CDKAL1: variants seen among roughly 807,000 people sequenced by gnomAD.
CDKAL1 encodes the protein threonylcarbamoyladenosine tRNA methylthiotransferase.
Under a neutral mutation model 68.2 loss-of-function variants are expected in CDKAL1, and 32 were observed. The ratio of observed to expected loss-of-function variants is 0.47; its 90% CI spans 0.35 to 0.63. The LOEUF is 0.63. Among genes scored for constraint, CDKAL1 ranks in the 30% least tolerant of loss-of-function variants. The probability of loss-of-function intolerance (pLI) is 0.00; values close to 1 mark genes in which losing one functional copy is unlikely to be tolerated. For synonymous variants in CDKAL1, 234 were observed against 244.3 expected (o/e 0.96, Z 0.39); for missense variants, 606 against 696.7 (o/e 0.87, Z 1.47).
intron 12 of CDKAL1, among the ~76,000 whole-genome samples, chr6:21,081,091 T>TA (rs1562014767): frequency 1.3e-5 from 2 of 152,206 alleles, no homozygotes; most frequent in East Asian, 1.9e-4. Flanking sequence ...AAAATCATTT[T>TA]AAAAAAATGC....
intron 4 of CDKAL1, among the ~76,000 whole-genome samples, chr6:20,563,924 A>G (rs1227155635): frequency 6.6e-6 from 1 of 152,186 alleles, no homozygotes; most frequent in Admixed American, 6.6e-5. Flanking sequence ...AGCTTAATGA[A>G]TTAATGTTGG....
At chr6:20,877,944 C>A (rs556418999) in intron 9 of CDKAL1, among the ~76,000 whole-genome samples, 1 of 152,126 alleles carries the variant, frequency 6.6e-6, no homozygotes. Context: ...TATACTTTTC[C>A]GTATGTGTCT....
In CDKAL1 at chr6:20,549,615, T is replaced by C. The variant is rs141137947; in HGVS notation, c.286+910T>C. Among the ~76,000 whole-genome samples, 30 of 110,146 alleles carry C rather than the reference T, an allele frequency of 2.7e-4. 2 individuals are homozygous for C. In the South Asian group the frequency reaches 9.2e-3, roughly 34 times the overall value. 72.3% of individuals were successfully genotyped at this position (110,146 alleles called of 152,430 possible). A position where few individuals can be genotyped will look rare whatever the true frequency, so the allele number is the denominator to read the frequency against. On this transcript the variant is annotated intron_variant, in intron 4 of 15. Transcript: ENST00000274695. ...ATTTATTTATTTATTTATTTATTTA[T>C]TTATTTACTTTGAGATGGGGTCTCT...
At chr6:20,780,670 CTTTTTTTTTTT>C (rs1223553462) in intron 7 of CDKAL1, among the ~76,000 whole-genome samples, 1 of 38,180 alleles carries the variant, frequency 2.6e-5, no homozygotes, top group African/African-American at 7.6e-5. Context: ...ATTTCTTTTT[CTTTTTTTTTTT>C]TTTTTTTTTT....
intron 8 of CDKAL1, among the ~76,000 whole-genome samples, chr6:20,800,386 A>G (rs1187791640): frequency 1.3e-5 from 2 of 152,184 alleles, no homozygotes; most frequent in Non-Finnish European, 2.9e-5. Context: ...AGAAAATGCA[A>G]ACAAATCTCT....
intron 9 of CDKAL1, among the ~76,000 whole-genome samples, chr6:20,943,904 T>C (rs2150703036): frequency 6.6e-6 from 1 of 152,090 alleles, no homozygotes; most frequent in Non-Finnish European, 1.5e-5. Flanking sequence ...CTGGGCAAAA[T>C]AGTGAGGTTC....
At chr6:20,810,128 C>T (rs754509042) in intron 8 of CDKAL1, among the ~76,000 whole-genome samples, 2 of 152,184 alleles carry the variant, frequency 1.3e-5, no homozygotes, top group Non-Finnish European at 2.9e-5. Context: ...CATTATAGAA[C>T]ACTTCAAACA....
At chr6:20,603,376 G>A (rs1220958957) in intron 4 of CDKAL1, among the ~76,000 whole-genome samples, 1 of 152,162 alleles carries the variant, frequency 6.6e-6, no homozygotes, top group African/African-American at 2.4e-5. Context: ...AGTGAAAATG[G>A]TATATAAGAG....
chr6:20,712,700 A>C (rs941928975), intron 5 of CDKAL1, among the ~76,000 whole-genome samples: 1 of 152,000 alleles, frequency 6.6e-6, no homozygotes, highest in African/African-American at 2.4e-5. Flanking sequence ...GCTGGAGCGC[A>C]ATGGCACAAT....
At chr6:20,875,027 C>T (rs1760428745) in intron 9 of CDKAL1, among the ~76,000 whole-genome samples, 1 of 151,512 alleles carries the variant, frequency 6.6e-6, no homozygotes, top group Admixed American at 6.6e-5. Context: ...CAGGCCGGCG[C>T]GGTGGCTCAC....
At chr6:20,879,908 T>C (rs1760725318) in intron 9 of CDKAL1, among the ~76,000 whole-genome samples, 1 of 152,244 alleles carries the variant, frequency 6.6e-6, no homozygotes, top group South Asian at 2.1e-4. Flanking sequence ...TGTCCATTTT[T>C]AAACTATGGT....
chr6:20,551,482 C>G (rs938448153), intron 4 of CDKAL1, among the ~76,000 whole-genome samples: 26 of 151,902 alleles, frequency 1.7e-4, no homozygotes, highest in African/African-American at 6.3e-4. Flanking sequence ...GTTCTCCTGC[C>G]TCAGCCTCTC....
chr6:21,009,638 T>C (rs1180716060), intron 11 of CDKAL1, among the ~76,000 whole-genome samples: 2 of 152,178 alleles, frequency 1.3e-5, no homozygotes, highest in Non-Finnish European at 2.9e-5. Flanking sequence ...GTTAAAGATA[T>C]AGCACACACC....
intron 13 of CDKAL1, among the ~76,000 whole-genome samples, chr6:21,173,512 G>A (rs1014761586): frequency 4.6e-5 from 7 of 152,194 alleles, no homozygotes; most frequent in African/African-American, 1.7e-4. Flanking sequence ...AAATGAACAT[G>A]CATTGACACT....
At chr6:21,223,929 A>G (rs9466005) in intron 15 of CDKAL1, among the ~76,000 whole-genome samples, 47,509 of 152,082 alleles carry the variant, frequency 0.31, 9,677 homozygotes, top group African/African-American at 0.57. Flanking sequence ...CCCCCAGGAA[A>G]CTTCACGGTC....
chr6:21,226,828 T>C (rs540483071), intron 15 of CDKAL1, among the ~76,000 whole-genome samples: 52 of 152,334 alleles, frequency 3.4e-4, no homozygotes, highest in African/African-American at 1.1e-3. Flanking sequence ...TTCTCCTGCC[T>C]CAGCCTCCCG....
chr6:20,584,137 A>C (rs1487602525), intron 4 of CDKAL1, among the ~76,000 whole-genome samples: 1 of 151,666 alleles, frequency 6.6e-6, no homozygotes, highest in Non-Finnish European at 1.5e-5. Flanking sequence ...TAGGAAATTG[A>C]ATTACATTTT....
intron 13 of CDKAL1, among the ~76,000 whole-genome samples, chr6:21,121,308 C>G (rs1048464893): frequency 6.6e-6 from 1 of 152,140 alleles, no homozygotes; most frequent in Non-Finnish European, 1.5e-5. Context: ...CACTTGCAAG[C>G]TAGATGATGT....
At chr6:20,581,535 T>C (rs558060749) in intron 4 of CDKAL1, among the ~76,000 whole-genome samples, 1 of 152,216 alleles carries the variant, frequency 6.6e-6, no homozygotes, top group Non-Finnish European at 1.5e-5. Context: ...TAAATTTTTA[T>C]TTTATCACAA....
Sources: allele counts gnomAD v4.1 joint callset (sites outside exome capture counted in the v4.1 genomes callset), GRCh38; gene constraint gnomAD v4.1.1; transcripts MANE v1.5; gene names NCBI Gene and HGNC (gene_info 2026-07-23, HGNC 2026-07-21).